The following TBC1D15 variants were observed in gnomAD, a reference collection of about 807,000 sequenced individuals.
The protein encoded by TBC1D15 is TBC1 domain family member 15.
Under a neutral mutation model 95.4 loss-of-function variants are expected in TBC1D15, and 39 were observed. The observed-to-expected ratio is 0.41, with a 90% confidence interval of 0.32 to 0.53. The LOEUF (loss-of-function observed/expected upper bound fraction) is 0.53. Among genes scored for constraint, TBC1D15 ranks in the 20% least tolerant of loss-of-function variants. The pLI is 0.29. For synonymous variants in TBC1D15, 258 were observed against 261.3 expected (o/e 0.99, Z 0.12); for missense variants, 733 against 794.3 (o/e 0.92, Z 0.93).
chr12:71,900,792 T>C lies in TBC1D15; in HGVS notation c.1183+2851T>C, dbSNP rs368550032. Among the ~76,000 whole-genome samples the C allele has an allele frequency of 2.6e-5, 4 of 152,246 alleles. No individual in the cohort carries two copies. In the South Asian group the frequency reaches 8.3e-4, roughly 32 times the overall value. On this transcript the variant is annotated intron_variant, in intron 10 of 16. Coordinates refer to ENST00000485960, the MANE Select transcript of TBC1D15 (RefSeq NM_001146213.3). ...AGGCAAGGAAAAGGGTTAGGATGTT[T>C]GTGTGCAATGTTGCCATTTTAACTT...
At chr12:71,877,144 C>G (rs1335979426) in intron 3 of TBC1D15, among the ~76,000 whole-genome samples, 2 of 150,306 alleles carry the variant, frequency 1.3e-5, no homozygotes, top group African/African-American at 4.9e-5. Flanking sequence ...TTTCTACTTT[C>G]CTTTATTGAT....
Position 71,907,130 on chromosome 12 carries a change from T to C in TBC1D15, c.1292T>C (p.Phe431Ser), listed in dbSNP as rs1900920569. 6.3e-7 allele frequency: 1 copy of C among 1,578,224 alleles called. No homozygotes were observed. The highest frequency in any genetic ancestry group is 2.2e-5 in the East Asian group (1 of 44,520). Residue 431 changes from phenylalanine (F) to serine (S), a missense_variant, in exon 11 of 17, where the codon TTT becomes TCT. Transcript: ENST00000485960. ...DILMTYCMYD[F>S]DLGYVQGMSD... ...TTGATGACCTACTGTATGTATGATT[T>C]TGATTTAGGTAAGTTCTCTAAAGTT...
chr12:71,869,985 G>A, intron 1 of TBC1D15, among the ~76,000 whole-genome samples: 1 of 152,068 alleles, frequency 6.6e-6, no homozygotes, highest in East Asian at 1.9e-4. Flanking sequence ...TCCTGAAGTA[G>A]TCTTTGTTAA....
In TBC1D15 at chr12:71,880,479, C is replaced by G; in HGVS notation, c.215C>G (p.Ser72Ter). ...TTATAATTATTTTAGGACTCCAGTT[C>G]AGTTGTAGAATGGACTCAGGCCCCA... is the stretch of plus-strand genomic sequence containing the variant. ...SILYARKDSS[S>*]VVEWTQAPKE... The change falls in exon 4 of 17, where the codon TCA becomes TGA. Residue 72 changes from serine (S) to a stop codon, truncating the protein, a stop_gained. Transcript: ENST00000485960. LOFTEE classifies it high-confidence loss of function. The G allele has an allele frequency of 6.3e-7, 1 of 1,591,248 alleles. No individual in the cohort carries two copies. Among genetic ancestry groups the G allele is most frequent in the Non-Finnish European group, 8.6e-7 (1 of 1,168,006 alleles).
At chr12:71,893,120 G>GTTTT (rs77560730) in intron 5 of TBC1D15, 102 bp from the exon 6 acceptor site, 42 of 461,614 alleles carry the variant, frequency 9.1e-5, no homozygotes, top group South Asian at 2.1e-4. Context: ...AATATTTTGG[G>GTTTT]TTTTTTTTTT....
At chr12:71,872,642 A>G (rs1427074482) in intron 2 of TBC1D15, among the ~76,000 whole-genome samples, 1 of 152,190 alleles carries the variant, frequency 6.6e-6, no homozygotes, top group East Asian at 1.9e-4. Context: ...TATTACAAAA[A>G]AATCCTGAGT....
chr12:71,870,851 T>G (rs758040049), intron 1 of TBC1D15, among the ~76,000 whole-genome samples: 10 of 152,152 alleles, frequency 6.6e-5, no homozygotes, highest in Non-Finnish European at 1.0e-4. Flanking sequence ...AAATGTTAGC[T>G]AAAAACAGGA....
chr12:71,850,903 C>T (rs1386701182), intron 1 of TBC1D15, among the ~76,000 whole-genome samples: 1 of 144,880 alleles, frequency 6.9e-6, no homozygotes, highest in Non-Finnish European at 1.5e-5. Flanking sequence ...AGGAGAATCG[C>T]TTGAACCCGG....
At chr12:71,907,673 A>C (rs967717810) in intron 11 of TBC1D15, 1 of 152,202 alleles carries the variant, frequency 6.6e-6, no homozygotes, top group Non-Finnish European at 1.5e-5. Context: ...TTTGAGACTT[A>C]GGAGTGCCTT....
At chr12:71,898,008 G>A in intron 10 of TBC1D15, 67 bp downstream of exon 10, 1 of 1,200,234 alleles carries the variant, frequency 8.3e-7, no homozygotes, top group Non-Finnish European at 1.2e-6. Flanking sequence ...TAAGAGTAAA[G>A]AAGTGAAGAT....
chr12:71,874,220 G>A (rs867485576), intron 3 of TBC1D15, among the ~76,000 whole-genome samples: 1 of 152,208 alleles, frequency 6.6e-6, no homozygotes, highest in African/African-American at 2.4e-5. Flanking sequence ...ATCGAGTCAC[G>A]TTCTGAGGTA....
At chr12:71,847,444 C>T (rs1385735234) in intron 1 of TBC1D15, among the ~76,000 whole-genome samples, 2 of 151,914 alleles carry the variant, frequency 1.3e-5, no homozygotes, top group South Asian at 2.1e-4. Flanking sequence ...CGCCTGTAAT[C>T]CCAGCACTTT....
intron 3 of TBC1D15, among the ~76,000 whole-genome samples, chr12:71,878,499 A>T (rs1193495495): frequency 2.6e-5 from 4 of 151,428 alleles, no homozygotes; most frequent in African/African-American, 4.8e-5. Flanking sequence ...GGTTAGGGTT[A>T]ATAGGGATGG....
intron 1 of TBC1D15, chr12:71,861,468 C>G (rs1315502671): frequency 6.5e-7 from 1 of 1,534,936 alleles, no homozygotes. Flanking sequence ...TATCCATACT[C>G]CAGTTTGTTG....
intron 1 of TBC1D15, among the ~76,000 whole-genome samples, chr12:71,851,977 TCTC>T (rs1165066436): frequency 2.0e-5 from 3 of 152,176 alleles, no homozygotes; most frequent in South Asian, 2.1e-4. Flanking sequence ...ATACTACATT[TCTC>T]CTCCTCACTG....
Position 71,923,279 on chromosome 12 carries a change from A to G in TBC1D15, c.*75A>G. On this transcript the variant is annotated 3_prime_UTR_variant, in exon 17 of 17. Coordinates refer to ENST00000485960, the MANE Select transcript of TBC1D15 (RefSeq NM_001146213.3). ...CAAGTACTTGAAAGTTGAAAATTTGAAATCTTGGTATTGATCATGCTTTAA... is the reference window on the plus strand; with the variant it reads ...CAAGTACTTGAAAGTTGAAAATTTGGAATCTTGGTATTGATCATGCTTTAA... 3 of 1,374,896 alleles carry G rather than the reference A, an allele frequency of 2.2e-6. No homozygotes were observed. Among genetic ancestry groups the G allele is most frequent in the Admixed American group, 1.7e-5 (1 of 57,516 alleles). The allele number at this position is 1,374,896 out of a possible 1,614,324, so 85.2% of individuals were successfully genotyped here.
intron 8 of TBC1D15, 200 bp downstream of exon 8, chr12:71,896,275 G>A (rs144081969): frequency 1.7e-5 from 8 of 481,592 alleles, no homozygotes; most frequent in African/African-American, 5.9e-5. Context: ...GACAGAGTGA[G>A]GTGCTTATGA....
intron 5 of TBC1D15, among the ~76,000 whole-genome samples, chr12:71,885,990 A>G (rs556126203): frequency 1.3e-5 from 2 of 152,258 alleles, no homozygotes; most frequent in Non-Finnish European, 2.9e-5. Flanking sequence ...TCCAAAGCAC[A>G]AAGCATCTTT....
At chr12:71,873,437 T>C (rs1893112894) in intron 3 of TBC1D15, among the ~76,000 whole-genome samples, 1 of 152,226 alleles carries the variant, frequency 6.6e-6, no homozygotes, top group African/African-American at 2.4e-5. Context: ...ACCATTGTTT[T>C]GTCTAATAGT....
Sources: allele counts gnomAD v4.1 joint callset (sites outside exome capture counted in the v4.1 genomes callset), GRCh38; gene constraint gnomAD v4.1.1; transcripts MANE v1.5; gene names NCBI Gene and HGNC (gene_info 2026-07-23, HGNC 2026-07-21).